CPAMD8: variants seen among roughly 807,000 people sequenced by gnomAD.
CPAMD8 encodes the protein C3 and PZP like alpha-2-macroglobulin domain containing 8.
A neutral mutation model predicts 224.7 loss-of-function variants in CPAMD8; 146 were observed. The ratio of observed to expected loss-of-function variants is 0.65; its 90% CI spans 0.57 to 0.75. The LOEUF is 0.75. CPAMD8 is among the 30% of genes least tolerant of loss of function. The probability of loss-of-function intolerance (pLI) is 0.00; values close to 1 mark genes in which losing one functional copy is unlikely to be tolerated. For missense variants in CPAMD8, 2,301 were observed against 2,537.5 expected (o/e 0.91, Z 2.00); for synonymous variants, 966 against 1,044.6 (o/e 0.92, Z 1.45).
At chr19:17,025,753 G>A (rs910600484) in intron 1 of CPAMD8, among the ~76,000 whole-genome samples, 1 of 152,186 alleles carries the variant, frequency 6.6e-6, no homozygotes, top group African/African-American at 2.4e-5. Context: ...GTAGGGTTCC[G>A]ATTTCACGAA....
intron 8 of CPAMD8, among the ~76,000 whole-genome samples, chr19:17,003,538 T>C (rs2056396666): frequency 6.6e-6 from 1 of 151,168 alleles, no homozygotes; most frequent in Non-Finnish European, 1.5e-5. Flanking sequence ...GAGTCCACTT[T>C]GGGAGGCTGA....
intron 13 of CPAMD8, among the ~76,000 whole-genome samples, chr19:16,984,333 AGAGAGAG>A (rs2055636031): frequency 2.3e-5 from 2 of 88,800 alleles, no homozygotes; most frequent in African/African-American, 1.1e-4. Flanking sequence ...AAAAAAAAAG[AGAGAGAG>A]AGAGAGAGAG....
intron 34 of CPAMD8, 132 bp downstream of exon 34, chr19:16,903,429 A>G (rs2144739831): frequency 7.4e-7 from 1 of 1,349,822 alleles, no homozygotes; most frequent in East Asian, 2.5e-5. Flanking sequence ...AAGGCTGAAA[A>G]CCTGTCCTGC....
At chr19:16,932,483 C>T (rs541310851) in intron 23 of CPAMD8, among the ~76,000 whole-genome samples, 4 of 152,076 alleles carry the variant, frequency 2.6e-5, no homozygotes, top group African/African-American at 9.6e-5. Flanking sequence ...CACGTAAGAA[C>T]CATACAAAGA....
At chr19:17,004,456 C>CTA in intron 7 of CPAMD8, 70 bp from the exon 8 acceptor site, 1 of 979,966 alleles carries the variant, frequency 1.0e-6, no homozygotes, top group South Asian at 1.4e-5. Flanking sequence ...GAAGAGGGAG[C>CTA]CAGGACCCTG....
rs760892620 is a variant in CPAMD8 at position 16,966,912 on chromosome 19, AT to A, written c.2213+3978del. The stretch of plus-strand genomic sequence containing the variant: ...GGTGGGAGTGTAAATTAGTTCAACC[AT>A]TGTGGAAGACAGTGTGGCGATTCCT... On this transcript the variant is annotated intron_variant, in intron 18 of 41. Transcript: ENST00000443236. 2.2e-4 allele frequency among the ~76,000 whole-genome samples: 34 copies of A among 152,308 alleles called. No individual in the cohort carries two copies. The East Asian group carries it at 4.4e-3, about 20-fold the overall frequency.
At chr19:16,928,875 C>A (rs1599720503) in intron 24 of CPAMD8, 67 bp downstream of exon 24, 1 of 1,324,056 alleles carries the variant, frequency 7.6e-7, no homozygotes, top group East Asian at 2.3e-5. Flanking sequence ...TGGCACCAAA[C>A]AGGAAGCAGC....
chr19:16,971,231 C>T (rs746806057), intron 17 of CPAMD8, 198 bp from the exon 18 acceptor site: 30 of 515,990 alleles, frequency 5.8e-5, no homozygotes, highest in Non-Finnish European at 8.7e-5. Context: ...GACGGAGTCT[C>T]GCTCTGTCGC....
rs975535959 is a variant in CPAMD8, at chr19:17,015,897, G to C, written c.268-4140C>G. On this transcript the variant is annotated intron_variant, in intron 3 of 41. Transcript: ENST00000443236. ...GCCCCTAGAGCTTCACACCTTCCCAGGGAAGAGGATGCCTCCCACAGGGAG... is the reference window on the plus strand; with the variant it reads ...GCCCCTAGAGCTTCACACCTTCCCACGGAAGAGGATGCCTCCCACAGGGAG... Among the ~76,000 whole-genome samples, 3 of 152,164 alleles carry C rather than the reference G, an allele frequency of 2.0e-5. No homozygotes were observed. In the South Asian group the frequency reaches 6.2e-4, roughly 32 times the overall value.
intron 29 of CPAMD8, among the ~76,000 whole-genome samples, chr19:16,909,636 T>C (rs1007035495): frequency 2.5e-4 from 38 of 151,956 alleles, no homozygotes; most frequent in African/African-American, 7.5e-4. Flanking sequence ...TCCCAGCTAC[T>C]TGGGAGGCTG....
At chr19:17,002,123 A>C (rs2056344931) in intron 9 of CPAMD8, 143 bp downstream of exon 9, 2 of 611,120 alleles carry the variant, frequency 3.3e-6, no homozygotes, top group African/African-American at 1.9e-5. Context: ...CACCCCAGGG[A>C]GGAGGGAACC....
chr19:16,973,316 A>C (rs935450425), intron 17 of CPAMD8, among the ~76,000 whole-genome samples: 1 of 152,174 alleles, frequency 6.6e-6, no homozygotes, highest in Admixed American at 6.5e-5. Context: ...AAAGCAACAC[A>C]GGTTGGGGAG....
intron 3 of CPAMD8, chr19:17,013,375 G>A (rs2056716401): frequency 6.6e-6 from 1 of 151,854 alleles, no homozygotes; most frequent in Non-Finnish European, 1.5e-5. Flanking sequence ...AGCCAGGTGT[G>A]TGTCAGGCAC....
intron 23 of CPAMD8, among the ~76,000 whole-genome samples, chr19:16,932,720 C>A (rs1322488340): frequency 6.6e-6 from 1 of 152,028 alleles, no homozygotes; most frequent in Non-Finnish European, 1.5e-5. Context: ...ACCAAATACT[C>A]AAAATTTTGG....
At chr19:16,927,919 C>T in intron 25 of CPAMD8, 90 bp downstream of exon 25, 1 of 973,512 alleles carries the variant, frequency 1.0e-6, no homozygotes, top group Non-Finnish European at 1.6e-6. Flanking sequence ...CACAGGTCCC[C>T]AGCAAAGCCC....
intron 20 of CPAMD8, among the ~76,000 whole-genome samples, chr19:16,949,642 C>G (rs904542850): frequency 1.3e-5 from 2 of 152,174 alleles, no homozygotes; most frequent in African/African-American, 2.4e-5. Flanking sequence ...TCCTCTTGCT[C>G]CTCACCTGCT....
At chr19:16,965,712 A>G (rs2054806148) in intron 18 of CPAMD8, among the ~76,000 whole-genome samples, 1 of 152,212 alleles carries the variant, frequency 6.6e-6, no homozygotes, top group Non-Finnish European at 1.5e-5. Context: ...ACAAACAGAG[A>G]GCCAAATCAT....
chr19:16,987,764 C>T (rs2055797607), intron 13 of CPAMD8, among the ~76,000 whole-genome samples: 1 of 152,112 alleles, frequency 6.6e-6, no homozygotes, highest in African/African-American at 2.4e-5. Flanking sequence ...GATCCTCCTG[C>T]CTCAGCCTCT....
At chr19:16,896,364 G>C in intron 40 of CPAMD8, 38 bp from the exon 41 acceptor site, 2 of 1,559,940 alleles carry the variant, frequency 1.3e-6, no homozygotes, top group Non-Finnish European at 1.7e-6. Context: ...GGGCGTGGCG[G>C]GGAGGGGACC....
Sources: gnomAD v4.1 joint callset for allele counts (sites outside exome capture counted in the v4.1 genomes callset) on GRCh38, gnomAD v4.1.1 for gene constraint, MANE v1.5 for transcripts, NCBI Gene and HGNC (gene_info 2026-07-23, HGNC 2026-07-21) for gene names.